Variants in DNAJC8 observed in about 807,000 individuals in gnomAD.
DNAJC8 encodes DnaJ heat shock protein family (Hsp40) member C8, also known as dnaJ homolog subfamily C member 8.
Under a neutral mutation model 43.2 loss-of-function variants are expected in DNAJC8, and 24 were observed. The observed-to-expected ratio is 0.56, with a 90% confidence interval of 0.40 to 0.78. The LOEUF is 0.78. DNAJC8 is among the 30% of genes least tolerant of loss of function. The probability of loss-of-function intolerance (pLI) is 0.00; values close to 1 mark genes in which losing one functional copy is unlikely to be tolerated. For synonymous variants in DNAJC8, 83 were observed against 98.0 expected, an observed-to-expected ratio of 0.85 and a Z score of 0.90; for missense variants, 207 against 299.4, an observed-to-expected ratio of 0.69 and a Z score of 2.28.
In DNAJC8 at chr1:28,224,963, G is replaced by A. The variant is rs375590546; in HGVS notation, c.180+3959C>T. Among the ~76,000 whole-genome samples the A allele has an allele frequency of 1.9e-4, 28 of 150,768 alleles. 2 individuals carry two copies. In the South Asian group the frequency reaches 5.7e-3, roughly 30 times the overall value. ...AGTATTTTGAAAATCTGAGGTAGGAGGATCAATTGAGCCCAGAGCCCAGGA... is the reference window on the plus strand; with the variant it reads ...AGTATTTTGAAAATCTGAGGTAGGAAGATCAATTGAGCCCAGAGCCCAGGA... On this transcript the variant is annotated intron_variant, in intron 2 of 8. Coordinates refer to ENST00000263697, the MANE Select transcript of DNAJC8 (RefSeq NM_014280.3).
rs571821163 is a variant in DNAJC8 at position 28,203,598 on chromosome 1, T to C, written c.639+149A>G. The C allele has an allele frequency of 8.2e-5, 61 of 746,272 alleles. No homozygotes were observed. The East Asian group carries it at 1.6e-3, about 20-fold the overall frequency. 46.2% of individuals were successfully genotyped at this position (746,272 alleles called of 1,614,324 possible). Reference sequence around the variant, plus strand: ...CAAGGCTACAGAGCTTACAGGAGGCTGAGGCAGGCCCAGCCTCATTCTTCA... The same window carrying C: ...CAAGGCTACAGAGCTTACAGGAGGCCGAGGCAGGCCCAGCCTCATTCTTCA... On this transcript the variant is annotated intron_variant, in intron 8 of 8. Transcript: ENST00000263697.
intron 1 of DNAJC8, among the ~76,000 whole-genome samples, chr1:28,229,523 C>G (rs768784289): frequency 6.6e-6 from 1 of 151,888 alleles, no homozygotes; most frequent in Non-Finnish European, 1.5e-5. Context: ...CCTGTAATCC[C>G]AACACTTTGG....
chr1:28,201,460 C>T, intron 8 of DNAJC8, 90 bp from the exon 9 acceptor site: 1 of 1,576,250 alleles, frequency 6.3e-7, no homozygotes, highest in African/African-American at 1.3e-5. Flanking sequence ...CTCCTGTAGC[C>T]CAGCCCACTT....
chr1:28,231,043 A>G (rs1646970368), intron 1 of DNAJC8, among the ~76,000 whole-genome samples: 1 of 152,184 alleles, frequency 6.6e-6, no homozygotes, highest in African/African-American at 2.4e-5. Flanking sequence ...TTCTTATACA[A>G]TAACTTTAGT....
At chr1:28,227,601 A>G (rs1164579909) in intron 2 of DNAJC8, among the ~76,000 whole-genome samples, 1 of 151,916 alleles carries the variant, frequency 6.6e-6, no homozygotes, top group African/African-American at 2.4e-5. Flanking sequence ...AAAAAATAAA[A>G]TAAAATAAAA....
intron 2 of DNAJC8, among the ~76,000 whole-genome samples, chr1:28,223,762 G>T (rs1376977446): frequency 6.6e-6 from 1 of 151,762 alleles, no homozygotes; most frequent in African/African-American, 2.4e-5. Flanking sequence ...AAGATAGTGG[G>T]AACCAGGTTT....
intron 2 of DNAJC8, among the ~76,000 whole-genome samples, chr1:28,223,491 G>GCAC (rs1646912679): frequency 6.6e-6 from 1 of 152,154 alleles, no homozygotes. Flanking sequence ...GAGTACAGCG[G>GCAC]GGTGAGGAGA....
intron 1 of DNAJC8, among the ~76,000 whole-genome samples, chr1:28,229,761 G>A (rs555208): frequency 0.089 from 13,349 of 150,206 alleles, 1,069 homozygotes; most frequent in African/African-American, 0.21. Context: ...GAGACACAGC[G>A]AGACTCCGTC....
At chr1:28,204,471 A>C (rs1171574625) in intron 7 of DNAJC8, among the ~76,000 whole-genome samples, 1 of 152,054 alleles carries the variant, frequency 6.6e-6, no homozygotes, top group Non-Finnish European at 1.5e-5. Context: ...GGGGAGGTGG[A>C]GGTTGCAGTG....
At chr1:28,201,528 C>T (rs1472871982) in intron 8 of DNAJC8, among the ~76,000 whole-genome samples, 158 bp from the exon 9 acceptor site, 1 of 152,170 alleles carries the variant, frequency 6.6e-6, no homozygotes, top group South Asian at 2.1e-4. Context: ...GTGGCTCATA[C>T]CTATAATCCC....
chr1:28,203,686 G>A (rs765188956), intron 8 of DNAJC8, 61 bp downstream of exon 8: 129 of 1,526,220 alleles, frequency 8.5e-5, no homozygotes, highest in East Asian at 3.4e-4. Flanking sequence ...TCCTGGGAGC[G>A]CCACAGGAAC....
At chr1:28,227,831 A>G (rs1245277130) in intron 2 of DNAJC8, among the ~76,000 whole-genome samples, 1 of 152,206 alleles carries the variant, frequency 6.6e-6, no homozygotes, top group Non-Finnish European at 1.5e-5. Flanking sequence ...GAGTGTAAAC[A>G]GGAGTGGCTA....
At chr1:28,205,138 T>C (rs1348214544) in intron 7 of DNAJC8, 120 bp downstream of exon 7, 4 of 731,734 alleles carry the variant, frequency 5.5e-6, no homozygotes, top group Non-Finnish European at 8.6e-6. Context: ...TTTAGGTAAC[T>C]ATTTTTATAG....
In DNAJC8 at chr1:28,208,414, CT is replaced by C; in HGVS notation, c.400-2del. On this transcript the variant is annotated splice_acceptor_variant, in intron 5 of 8. Transcript: ENST00000263697. LOFTEE classifies it high-confidence loss of function. ...TTAATTGTTTTTTTCGCTCTTTCACCTAAAAAGAATTTTTTTTCATCAAAAG... is the reference window on the plus strand; with the variant it reads ...TTAATTGTTTTTTTCGCTCTTTCACCAAAAAGAATTTTTTTTCATCAAAAG... The C allele has an allele frequency of 6.2e-7, 1 of 1,609,150 alleles. No homozygotes were observed. The highest frequency in any genetic ancestry group is 8.5e-7 in the Non-Finnish European group (1 of 1,176,916).
At chr1:28,218,238 G>A (rs1180780034) in intron 2 of DNAJC8, among the ~76,000 whole-genome samples, 2 of 151,418 alleles carry the variant, frequency 1.3e-5, no homozygotes, top group South Asian at 2.1e-4. Flanking sequence ...TGGAATTACA[G>A]GCATGTGCCA....
In DNAJC8 at chr1:28,203,767, C is replaced by T; in HGVS notation, c.619G>A (p.Glu207Lys). 1 of 1,614,112 alleles carries T rather than the reference C, an allele frequency of 6.2e-7. No homozygotes were observed. The highest frequency in any genetic ancestry group is 8.5e-7 in the Non-Finnish European group (1 of 1,179,960). Reference protein sequence around the residue: ...EAQEKAKREREWQKNFEESRD... With the variant: ...EAQEKAKRERKWQKNFEESRD... The stretch of plus-strand genomic sequence containing the variant: ...TTTACCTCAAAGTTTTTCTGCCACT[C>T]TCTTTCCCGTTTGGCTTTTTCTTGA... Residue 207 changes from glutamate to lysine, a missense_variant, in exon 8 of 9, where the codon GAG becomes AAG. Coordinates refer to ENST00000263697, the MANE Select transcript of DNAJC8 (RefSeq NM_014280.3).
chr1:28,223,583 T>C (rs903707510), intron 2 of DNAJC8, among the ~76,000 whole-genome samples: 1 of 151,928 alleles, frequency 6.6e-6, no homozygotes, highest in African/African-American at 2.4e-5. Flanking sequence ...TTAAATTCTG[T>C]AGGAGCCAGC....
At chr1:28,228,843 A>T in intron 2 of DNAJC8, 79 bp downstream of exon 2, 1 of 1,101,208 alleles carries the variant, frequency 9.1e-7, no homozygotes, top group Non-Finnish European at 1.4e-6. Flanking sequence ...TAAATTAGGT[A>T]TGTATTCTGA....
chr1:28,201,945 C>G (rs753837689), intron 8 of DNAJC8, among the ~76,000 whole-genome samples: 1 of 151,562 alleles, frequency 6.6e-6, no homozygotes, highest in Non-Finnish European at 1.5e-5. Flanking sequence ...AAAAGTTAGC[C>G]GGGCATGGTG....
Sources: gnomAD v4.1 joint callset for allele counts (sites outside exome capture counted in the v4.1 genomes callset) on GRCh38, gnomAD v4.1.1 for gene constraint, MANE v1.5 for transcripts, NCBI Gene and HGNC (gene_info 2026-07-23, HGNC 2026-07-21) for gene names.